NELFA: variants seen among roughly 807,000 people sequenced by gnomAD.
NELFA encodes the protein negative elongation factor complex member A, also known as negative elongation factor A.
In NELFA, 35 loss-of-function variants were observed where a neutral mutation model predicts 51.8. The observed-to-expected ratio is 0.68, with a 90% CI of 0.52 to 0.90. The LOEUF is 0.90. NELFA is among the 40% of genes least tolerant of loss of function. The pLI is 0.00. For missense variants in NELFA, 658 were observed against 746.4 expected, an observed-to-expected ratio of 0.88 and a Z score of 1.38; for synonymous variants, 417 against 338.4, an observed-to-expected ratio of 1.23 and a Z score of -2.55.
In NELFA at chr4:1,984,370, T is replaced by C. The variant is rs148532683; in HGVS notation, c.1037-257A>G. Among the ~76,000 whole-genome samples the C allele has an allele frequency of 3.6e-3, 545 of 152,198 alleles. 3 individuals are homozygous for C. Among genetic ancestry groups the C allele is most frequent in the African/African-American group, 0.013 (525 of 41,552 alleles). On this transcript the variant is annotated intron_variant, in intron 8 of 10. Coordinates refer to ENST00000382882, the MANE Select transcript of NELFA (RefSeq NM_005663.5). ...GCTGCTGGCCTGCAGCAGGTCCCCATACCGTAGGCACTGCTGGGAAGACAG... is the reference window on the plus strand; with the variant it reads ...GCTGCTGGCCTGCAGCAGGTCCCCACACCGTAGGCACTGCTGGGAAGACAG...
chr4:1,986,102 C>T lies in NELFA; in HGVS notation c.835+12G>A. ...CCCCCATTGCCGCCGACACGCAGGCCCCAACCCCCACCGAGAGTCTTCCTT... is the reference window on the plus strand; with the variant it reads ...CCCCCATTGCCGCCGACACGCAGGCTCCAACCCCCACCGAGAGTCTTCCTT... On this transcript the variant is annotated intron_variant, in intron 6 of 10. Coordinates refer to ENST00000382882, the MANE Select transcript of NELFA (RefSeq NM_005663.5). 6.5e-7 allele frequency: 1 copy of T among 1,549,986 alleles called. No homozygotes were observed. The highest frequency in any genetic ancestry group is 8.7e-7 in the Non-Finnish European group (1 of 1,146,722).
chr4:2,001,655 C>A (rs1253864981), intron 1 of NELFA, among the ~76,000 whole-genome samples: 1 of 152,230 alleles, frequency 6.6e-6, no homozygotes, highest in African/African-American at 2.4e-5. Flanking sequence ...GTAATCCCAG[C>A]ACTTTGGGAG....
intron 4 of NELFA, among the ~76,000 whole-genome samples, chr4:1,986,961 G>C (rs1305421083): frequency 6.6e-6 from 1 of 152,138 alleles, no homozygotes; most frequent in Non-Finnish European, 1.5e-5. Flanking sequence ...CCCTGGGCCA[G>C]CAGGTGCAGC....
chr4:2,008,580 G>C (rs1243777080), intron 1 of NELFA, among the ~76,000 whole-genome samples, 170 bp downstream of exon 1: 1 of 142,980 alleles, frequency 7.0e-6, no homozygotes, highest in Non-Finnish European at 1.5e-5. Context: ...ACTGGAGGGA[G>C]GTATTCGGAG....
Position 1,989,889 on chromosome 4 carries a change from G to A in NELFA, c.383-20C>T. 1.2e-6 allele frequency: 2 copies of A among 1,607,642 alleles called. No individual in the cohort carries two copies. The highest frequency in any genetic ancestry group is 1.7e-6 in the Non-Finnish European group (2 of 1,176,608). The stretch of plus-strand genomic sequence containing the variant: ...CACCCACTGCCGGTAAGAACCACAT[G>A]AAGTTAGGGGCGCCCAGGCCGCAGA... On this transcript the variant is annotated intron_variant, in intron 2 of 10. Coordinates refer to ENST00000382882, the MANE Select transcript of NELFA (RefSeq NM_005663.5). The surrounding 1 kb of genome is among the most constrained non-coding windows in gnomAD (Gnocchi z 4.8).
chr4:1,983,356 C>A lies in NELFA; in HGVS notation c.1550G>T (p.Arg517Leu). The change falls in exon 11 of 11, where the codon CGC becomes CTC. Residue 517 changes from arginine to leucine, a missense_variant. Arg to Leu is a moderately radical substitution (Grantham distance 102). Around this residue, in one of 3 missense-constraint regions of NELFA, gnomAD observed 87 missense variants for 130.2 expected, o/e 0.67. Coordinates refer to ENST00000382882, the MANE Select transcript of NELFA (RefSeq NM_005663.5). ...GGTCATGGGCTTGTACTTCTTGAAG[C>A]GCGTCCACTGGCCCGTGGCATAGTT... The part of the protein sequence containing the change: ...EMNYATGQWT[R>L]FKKYKPMTNV... 6.2e-7 allele frequency: 1 copy of A among 1,614,190 alleles called. No individual in the cohort carries two copies. Among genetic ancestry groups the A allele is most frequent in the Non-Finnish European group, 8.5e-7 (1 of 1,180,028 alleles).
intron 1 of NELFA, among the ~76,000 whole-genome samples, chr4:1,994,638 A>G (rs185607966): frequency 1.9e-3 from 282 of 151,832 alleles, no homozygotes; most frequent in African/African-American, 6.4e-3. Flanking sequence ...GGCGGATCAC[A>G]AGGTCAGGAG....
At chr4:1,997,876 T>C (rs1354135434) in intron 1 of NELFA, among the ~76,000 whole-genome samples, 1 of 152,102 alleles carries the variant, frequency 6.6e-6, no homozygotes, top group Non-Finnish European at 1.5e-5. Context: ...GCAGTGACCC[T>C]ACTGGCATCA....
chr4:1,985,578 A>G (rs974475524), intron 7 of NELFA, among the ~76,000 whole-genome samples, 198 bp downstream of exon 7: 1 of 152,202 alleles, frequency 6.6e-6, no homozygotes, highest in Admixed American at 6.5e-5. Context: ...TCCCGCTCCA[A>G]GCCTGAGTCA....
At chr4:2,003,491 A>G (rs1005213213) in intron 1 of NELFA, among the ~76,000 whole-genome samples, 9 of 152,248 alleles carry the variant, frequency 5.9e-5, no homozygotes, top group African/African-American at 1.9e-4. Context: ...ATGCCCATCA[A>G]TGATGGACTG....
chr4:1,991,301 G>C (rs934996800), intron 2 of NELFA, among the ~76,000 whole-genome samples: 22 of 152,170 alleles, frequency 1.4e-4, no homozygotes, highest in Non-Finnish European at 1.9e-4. Context: ...GCGTGACACA[G>C]CCTCCCACTG....
chr4:1,984,725 C>G (rs1194459404), intron 8 of NELFA, 83 bp downstream of exon 8: 1 of 969,764 alleles, frequency 1.0e-6, no homozygotes, highest in Non-Finnish European at 1.6e-6. Context: ...GGAGTGAGAA[C>G]CGCAGCCCTG....
In NELFA at chr4:1,983,330, T is replaced by G; in HGVS notation, c.1576A>C (p.Asn526His). The G allele has an allele frequency of 6.2e-7, 1 of 1,614,028 alleles. No homozygotes were observed. Among genetic ancestry groups the G allele is most frequent in the African/African-American group, 1.3e-5 (1 of 75,050 alleles). The change falls in exon 11 of 11, where the codon AAT (asparagine) becomes CAT (histidine). Residue 526 changes from asparagine (N) to histidine (H), a missense_variant. Around this residue, in one of 3 missense-constraint regions of NELFA, gnomAD observed 87 missense variants for 130.2 expected, o/e 0.67. Transcript: ENST00000382882. ...TGAGGCAGGTGGTTCTAGGACACAT[T>G]GGTCATGGGCTTGTACTTCTTGAAG... is the stretch of plus-strand genomic sequence containing the variant. Reference protein sequence around the residue: ...TRFKKYKPMTNVS With the variant: ...TRFKKYKPMTHVS
At chr4:1,990,383 G>A (rs1560867613) in intron 2 of NELFA, 1 of 456,840 alleles carries the variant, frequency 2.2e-6, no homozygotes, top group Non-Finnish European at 4.4e-6. Flanking sequence ...ACGAGGGACA[G>A]GCGACCTCCC....
At chr4:1,985,085 C>G (rs1728043096) in intron 7 of NELFA, among the ~76,000 whole-genome samples, 166 bp from the exon 8 acceptor site, 2 of 152,154 alleles carry the variant, frequency 1.3e-5, no homozygotes, top group Non-Finnish European at 2.9e-5. Context: ...AACGGGACCC[C>G]TGGCCCCTGG....
At chr4:1,994,701 A>G (rs1452047376) in intron 1 of NELFA, among the ~76,000 whole-genome samples, 1 of 151,858 alleles carries the variant, frequency 6.6e-6, no homozygotes, top group Non-Finnish European at 1.5e-5. Flanking sequence ...TAAAAATACA[A>G]AAAATTAGGC....
rs201479105 is a variant in NELFA, at chr4:1,987,957, C to A, written c.595G>T (p.Ala199Ser). The change falls in exon 4 of 11, where the codon GCC (alanine) becomes TCC (serine). Residue 199 changes from alanine to serine, a missense_variant. By Grantham distance (99) the Ala-to-Ser change is moderately conservative (BLOSUM62 1). Around this residue, in one of 3 missense-constraint regions of NELFA, gnomAD observed 371 missense variants for 448.3 expected, o/e 0.83. Coordinates refer to ENST00000382882, the MANE Select transcript of NELFA (RefSeq NM_005663.5). ...TTCCGCAGCAGCCCCCGGCCCTTGG[C>A]GTGGAAGGGCACCCCGGCGCTCCGC... Reference protein sequence around the residue: ...LKRSAGVPFHAKGRGLLRKMD... With the variant: ...LKRSAGVPFHSKGRGLLRKMD... 6.2e-7 allele frequency: 1 copy of A among 1,610,976 alleles called. No homozygotes were observed. The highest frequency in any genetic ancestry group is 1.3e-5 in the African/African-American group (1 of 74,938).
chr4:2,005,584 C>T (rs1577632153), intron 1 of NELFA, among the ~76,000 whole-genome samples: 1 of 151,930 alleles, frequency 6.6e-6, no homozygotes, highest in Admixed American at 6.6e-5. Context: ...CCCAGTTACT[C>T]GGGAAGCTAA....
At chr4:1,990,077 G>A (rs893281860) in intron 2 of NELFA, 46 of 601,552 alleles carry the variant, frequency 7.6e-5, no homozygotes, top group South Asian at 6.2e-4. Context: ...CCTGAGAGGC[G>A]GGCATGCCTT....
Sources: allele counts gnomAD v4.1 joint callset (sites outside exome capture counted in the v4.1 genomes callset), GRCh38; gene constraint gnomAD v4.1.1; regional missense constraint gnomAD v4.1.1; non-coding constraint Gnocchi (gnomAD v3.1); transcripts MANE v1.5; gene names NCBI Gene and HGNC (gene_info 2026-07-23, HGNC 2026-07-21).